Variants in BTG4 observed in about 807,000 individuals in gnomAD.
The protein encoded by BTG4 is protein BTG4.
BTG4 carries 10 observed loss-of-function variants against 19.3 expected under a neutral mutation model. The observed-to-expected ratio is 0.52, with a 90% CI of 0.32 to 0.88. The LOEUF (loss-of-function observed/expected upper bound fraction) is 0.88. BTG4 is among the 40% of genes least tolerant of loss of function. BTG4 has a pLI of 0.04. For synonymous variants in BTG4, 91 were observed against 95.7 expected (o/e 0.95, Z 0.29); for missense variants, 238 against 281.9 (o/e 0.84, Z 1.11).
chr11:111,420,067 T>C, the BTG4 span, among the ~76,000 whole-genome samples: 2 of 152,154 alleles, frequency 1.3e-5, no homozygotes, highest in South Asian at 2.1e-4. Flanking sequence ...TGGACAACTG[T>C]AGTGTCCTAG....
the BTG4 span, chr11:111,401,157 G>C: frequency 1.3e-5 from 2 of 149,058 alleles, no homozygotes; most frequent in Non-Finnish European, 3.0e-5. Context: ...TCTTAGTTTT[G>C]ATAAATGTAC....
the BTG4 span, among the ~76,000 whole-genome samples, chr11:111,397,414 G>T: frequency 1.3e-5 from 2 of 152,080 alleles, no homozygotes; most frequent in East Asian, 3.9e-4. Flanking sequence ...TCAGCTTGCA[G>T]TTCTTAAAAT....
At chr11:111,498,830 A>G (rs749434055) in intron 1 of BTG4, 28 bp from the exon 2 acceptor site, 1 of 1,435,318 alleles carries the variant, frequency 7.0e-7, no homozygotes. Context: ...AGCAAGAAGA[A>G]ATAGAAAGAA....
intron 1 of BTG4, among the ~76,000 whole-genome samples, chr11:111,504,908 A>G (rs1481975990): frequency 6.6e-6 from 1 of 152,078 alleles, no homozygotes; most frequent in Non-Finnish European, 1.5e-5. Flanking sequence ...AACACATTTA[A>G]CCAAGGAGGT....
the BTG4 span, among the ~76,000 whole-genome samples, chr11:111,444,275 G>A: frequency 2.1e-5 from 3 of 140,750 alleles, no homozygotes; most frequent in African/African-American, 5.2e-5. Context: ...AGGGAGGGAA[G>A]AGGAGAGAAG....
rs558594108 is a variant in BTG4 at position 111,498,213 on chromosome 11, C to A, written c.174-78G>T. The A allele has an allele frequency of 6.0e-5, 89 of 1,483,356 alleles. 3 individuals are homozygous for A. In the South Asian group the frequency reaches 9.5e-4, roughly 16 times the overall value. The allele number at this position is 1,483,356 out of a possible 1,614,324, so 91.9% of individuals were successfully genotyped here. On this transcript the variant is annotated intron_variant, in intron 2 of 4. Transcript: ENST00000692032. ...AGAATCACATTATGCACATACTGTT[C>A]CAATACACATAGCTCCCACCTCATC...
the BTG4 span, among the ~76,000 whole-genome samples, chr11:111,423,296 C>G: frequency 6.6e-6 from 1 of 152,212 alleles, no homozygotes; most frequent in Non-Finnish European, 1.5e-5. Context: ...TTCCAACTCT[C>G]CCCCAATCCA....
chr11:111,395,848 C>T, the BTG4 span, among the ~76,000 whole-genome samples: 3 of 152,236 alleles, frequency 2.0e-5, no homozygotes, highest in Admixed American at 6.5e-5. Context: ...ACTTACCCTG[C>T]AGACAAATGT....
the BTG4 span, among the ~76,000 whole-genome samples, chr11:111,386,965 T>A: frequency 6.6e-6 from 1 of 152,244 alleles, no homozygotes; most frequent in East Asian, 1.9e-4. Flanking sequence ...TGGTTTGGAA[T>A]CTGGCTGCAG....
chr11:111,477,769 G>C (rs1007429961), intron 5 of BTG4, among the ~76,000 whole-genome samples: 39 of 152,100 alleles, frequency 2.6e-4, no homozygotes, highest in Admixed American at 2.5e-3. Flanking sequence ...GACCACAAAA[G>C]CCTGCTCTTT....
chr11:111,402,213 T>A, the BTG4 span, among the ~76,000 whole-genome samples: 1 of 96 alleles, frequency 0.01, no homozygotes, highest in South Asian at 0.25. Flanking sequence ...ATGTAAGATG[T>A]GATTTTCTCC....
intron 1 of BTG4, among the ~76,000 whole-genome samples, chr11:111,510,205 C>T (rs183009899): frequency 1.0e-3 from 152 of 152,252 alleles, no homozygotes; most frequent in African/African-American, 3.4e-3. Flanking sequence ...CCACAACCCC[C>T]GGCCTGTCTC....
chr11:111,425,349 A>G, the BTG4 span, among the ~76,000 whole-genome samples: 1 of 152,112 alleles, frequency 6.6e-6, no homozygotes, highest in East Asian at 1.9e-4. Flanking sequence ...ACATACACAA[A>G]AGACACAGGA....
chr11:111,413,689 C>A, the BTG4 span, among the ~76,000 whole-genome samples: 1 of 152,358 alleles, frequency 6.6e-6, no homozygotes, highest in Non-Finnish European at 1.5e-5. Context: ...CAATAGCAGA[C>A]AAGCTGCTGC....
the BTG4 span, among the ~76,000 whole-genome samples, chr11:111,411,320 C>G: frequency 5.3e-5 from 8 of 152,158 alleles, no homozygotes; most frequent in Non-Finnish European, 1.0e-4. Flanking sequence ...ACACTGACCC[C>G]CTTGCCGCTC....
At chr11:111,437,243 C>T in the BTG4 span, among the ~76,000 whole-genome samples, 1 of 152,118 alleles carries the variant, frequency 6.6e-6, no homozygotes, top group South Asian at 2.1e-4. Context: ...AGCCCAGAGA[C>T]CCCCTGCTCC....
At chr11:111,442,754 C>G in the BTG4 span, among the ~76,000 whole-genome samples, 1 of 151,648 alleles carries the variant, frequency 6.6e-6, no homozygotes, top group African/African-American at 2.4e-5. Flanking sequence ...GAAATGAATA[C>G]CTATAAGTCC....
the BTG4 span, among the ~76,000 whole-genome samples, chr11:111,447,918 T>C: frequency 1.3e-5 from 2 of 152,180 alleles, no homozygotes; most frequent in Non-Finnish European, 2.9e-5. Context: ...CATCTTGTTT[T>C]CTCATAGTGT....
the BTG4 span, among the ~76,000 whole-genome samples, chr11:111,423,603 C>G: frequency 3.9e-5 from 6 of 152,194 alleles, no homozygotes; most frequent in African/African-American, 1.4e-4. Context: ...GGCAGCTGAG[C>G]CCAAGCTGAC....
Sources: allele counts gnomAD v4.1 joint callset (sites outside exome capture counted in the v4.1 genomes callset), GRCh38; gene constraint gnomAD v4.1.1; transcripts MANE v1.5; gene names NCBI Gene and HGNC (gene_info 2026-07-23, HGNC 2026-07-21).